Variants in SLC25A21 observed in about 807,000 individuals in gnomAD.
SLC25A21 encodes the protein mitochondrial 2-oxodicarboxylate carrier.
SLC25A21 carries 47 observed loss-of-function variants against 43.8 expected under a neutral mutation model. That is an observed-to-expected ratio of 1.07 (90% CI 0.85 to 1.37). SLC25A21 has a LOEUF of 1.37. Among genes scored for constraint, SLC25A21 ranks in the 40% most tolerant of loss-of-function variants. The pLI, the probability that SLC25A21 is intolerant of heterozygous loss-of-function variation, is 0.00. For missense variants in SLC25A21, 352 were observed against 350.2 expected (o/e 1.00, Z -0.04); for synonymous variants, 131 against 121.3 (o/e 1.08, Z -0.52).
chr14:37,139,852 C>G (rs1181863570), intron 1 of SLC25A21, among the ~76,000 whole-genome samples: 5 of 152,194 alleles, frequency 3.3e-5, no homozygotes, highest in Non-Finnish European at 7.3e-5. Flanking sequence ...AATTCACCAA[C>G]AGGATATCTT....
chr14:37,021,380 C>T lies in SLC25A21; in HGVS notation c.71-146376G>A, dbSNP rs184544702. On this transcript the variant is annotated intron_variant, in intron 1 of 9. Transcript: ENST00000331299. ...GCACACTTAACATCTTAAACATCCA[C>T]TTTTCTTTTTCTCAGGGCAACCTCT... Among the ~76,000 whole-genome samples, 178 of 152,104 alleles carry T rather than the reference C, an allele frequency of 1.2e-3. 1 individual carries two copies. The highest frequency in any genetic ancestry group is 4.3e-3 in the African/African-American group (178 of 41,536).
In SLC25A21 at chr14:36,711,320, T is replaced by G. The variant is rs754053301; in HGVS notation, c.601A>C (p.Lys201Gln). 1.4e-5 allele frequency: 22 copies of G among 1,613,344 alleles called. No individual in the cohort carries two copies. The highest frequency in any genetic ancestry group is 1.9e-5 in the Non-Finnish European group (22 of 1,179,720). The part of the protein sequence containing the change: ...YNVKNMIPVN[K>Q]DPILEFWRKF... Reference sequence around the variant, plus strand: ...ATTTTAATTTATTAAATAGTTACCTTATTGACAGGAATCATGTTTTTGACA... The same window carrying G: ...ATTTTAATTTATTAAATAGTTACCTGATTGACAGGAATCATGTTTTTGACA... Residue 201 changes from lysine to glutamine, a missense_variant and splice_region_variant, in exon 7 of 10, where the codon AAG (lysine) becomes CAG (glutamine). Transcript: ENST00000331299.
intron 2 of SLC25A21, among the ~76,000 whole-genome samples, chr14:36,858,195 T>C (rs563899315): frequency 1.3e-5 from 2 of 152,224 alleles, no homozygotes; most frequent in African/African-American, 2.4e-5. Context: ...CAGAAGTGAA[T>C]GACCCATGAT....
chr14:36,895,284 A>G (rs1045580575), intron 1 of SLC25A21, among the ~76,000 whole-genome samples: 16 of 152,218 alleles, frequency 1.1e-4, no homozygotes, highest in Middle Eastern at 3.4e-3. Context: ...TGTATGTGTC[A>G]AGGAATTTAT....
At chr14:36,871,417 T>C (rs547506409) in intron 2 of SLC25A21, among the ~76,000 whole-genome samples, 1 of 152,282 alleles carries the variant, frequency 6.6e-6, no homozygotes, top group East Asian at 1.9e-4. Flanking sequence ...AGTTACCCAG[T>C]TTATGATATT....
In SLC25A21 at chr14:36,680,034, G is replaced by A; in HGVS notation, c.*624C>T. 1 of 869,618 alleles carries A rather than the reference G, an allele frequency of 1.1e-6. No homozygotes were observed. Among genetic ancestry groups the A allele is most frequent in the Non-Finnish European group, 1.4e-6 (1 of 726,374 alleles). 53.9% of individuals were successfully genotyped at this position (869,618 alleles called of 1,614,324 possible). On this transcript the variant is annotated 3_prime_UTR_variant, in exon 10 of 10. Transcript: ENST00000331299. ...TTACAGCAATATGAGATATAAAGTA[G>A]ATGTAGGAAAATAGAGCTGATATGT...
At chr14:36,696,912 A>G (rs896827492) in intron 7 of SLC25A21, among the ~76,000 whole-genome samples, 1 of 151,830 alleles carries the variant, frequency 6.6e-6, no homozygotes, top group African/African-American at 2.4e-5. Flanking sequence ...TATCTCCTTC[A>G]GTTCTGCTCC....
intron 1 of SLC25A21, among the ~76,000 whole-genome samples, chr14:37,128,740 T>G (rs926663704): frequency 6.6e-6 from 1 of 151,948 alleles, no homozygotes; most frequent in South Asian, 2.1e-4. Flanking sequence ...GCACGCACCA[T>G]TACGCTCAGC....
At chr14:36,767,708 T>C (rs1886465864) in intron 3 of SLC25A21, among the ~76,000 whole-genome samples, 2 of 152,234 alleles carry the variant, frequency 1.3e-5, no homozygotes, top group African/African-American at 4.8e-5. Context: ...TGCTAATACA[T>C]ATGCCACATT....
intron 1 of SLC25A21, among the ~76,000 whole-genome samples, chr14:37,154,461 A>T (rs564267440): frequency 1.6e-5 from 2 of 124,448 alleles, no homozygotes; most frequent in East Asian, 2.0e-4. Context: ...CAGGAAACAT[A>T]AAAAAAAATC....
chr14:37,127,363 G>C (rs1963314966), intron 1 of SLC25A21, among the ~76,000 whole-genome samples: 1 of 152,192 alleles, frequency 6.6e-6, no homozygotes, highest in South Asian at 2.1e-4. Context: ...TCTACGAAAA[G>C]ATGATAGATA....
At chr14:37,124,422 C>G (rs17106381) in intron 1 of SLC25A21, among the ~76,000 whole-genome samples, 19,167 of 151,938 alleles carry the variant, frequency 0.13, 3,060 homozygotes, top group African/African-American at 0.37. Flanking sequence ...CTAGTTTAAA[C>G]ACTGCAGACC....
chr14:36,903,614 G>GAAAAAAAAAAAAA (rs71124784), intron 1 of SLC25A21, among the ~76,000 whole-genome samples: 6 of 50,434 alleles, frequency 1.2e-4, no homozygotes, highest in African/African-American at 5.5e-4. Context: ...CTCCGTCTCA[G>GAAAAAAAAAAAAA]AAAAAAAAAA....
chr14:37,105,297 G>A (rs938133489), intron 1 of SLC25A21, among the ~76,000 whole-genome samples: 1 of 152,184 alleles, frequency 6.6e-6, no homozygotes, highest in Non-Finnish European at 1.5e-5. Context: ...TGAAGTCACT[G>A]ATACACCAAA....
rs570847630 is a variant in SLC25A21 at position 36,747,336 on chromosome 14, T to A, written c.204-12763A>T. Among the ~76,000 whole-genome samples the A allele has an allele frequency of 7.9e-5, 12 of 152,320 alleles. No individual in the cohort carries two copies. In the South Asian group the frequency reaches 2.5e-3, roughly 32 times the overall value. ...CCACATGTTAGCTGTTTACCCAGCA[T>A]GGAAAACTCTTGTACAAAAAGTGAG... On this transcript the variant is annotated intron_variant, in intron 3 of 9. Transcript: ENST00000331299.
intron 2 of SLC25A21, among the ~76,000 whole-genome samples, chr14:36,849,626 T>G (rs1485191802): frequency 6.6e-6 from 1 of 152,214 alleles, no homozygotes; most frequent in Non-Finnish European, 1.5e-5. Flanking sequence ...GCTTAGCTAA[T>G]AACTCTTTAG....
At chr14:36,700,088 C>A (rs1883215649) in intron 7 of SLC25A21, among the ~76,000 whole-genome samples, 1 of 152,148 alleles carries the variant, frequency 6.6e-6, no homozygotes, top group Non-Finnish European at 1.5e-5. Flanking sequence ...GAACACCCCA[C>A]CAAGTTCCAC....
intron 2 of SLC25A21, among the ~76,000 whole-genome samples, chr14:36,861,316 T>G (rs1419388227): frequency 1.3e-5 from 2 of 152,228 alleles, no homozygotes; most frequent in Non-Finnish European, 2.9e-5. Context: ...TCTTCTAGAA[T>G]GTTCATGATA....
chr14:37,035,129 G>A (rs968025926), intron 1 of SLC25A21, among the ~76,000 whole-genome samples: 4 of 152,166 alleles, frequency 2.6e-5, no homozygotes, highest in Non-Finnish European at 2.9e-5. Flanking sequence ...TTTCAGACAC[G>A]CATTTTTGGC....
Sources: gnomAD v4.1 joint callset for allele counts (sites outside exome capture counted in the v4.1 genomes callset) on GRCh38, gnomAD v4.1.1 for gene constraint, MANE v1.5 for transcripts, NCBI Gene and HGNC (gene_info 2026-07-23, HGNC 2026-07-21) for gene names.